Variants in B3GLCT observed in about 807,000 individuals in gnomAD.
B3GLCT encodes the protein beta 3-glucosyltransferase, also known as beta-1,3-glucosyltransferase.
A neutral mutation model predicts 63.4 loss-of-function variants in B3GLCT; 65 were observed. The ratio of observed to expected loss-of-function variants is 1.03; its 90% CI spans 0.84 to 1.26. The LOEUF is 1.26. Ranked by LOEUF, B3GLCT falls within the 50% of genes most tolerant of loss-of-function variation. The pLI is 0.00. For synonymous variants in B3GLCT, 233 were observed against 219.2 expected, an observed-to-expected ratio of 1.06 and a Z score of -0.55; for missense variants, 577 against 604.8, an observed-to-expected ratio of 0.95 and a Z score of 0.48.
chr13:31,201,626 G>C (rs1171707522), intron 1 of B3GLCT, among the ~76,000 whole-genome samples: 1 of 152,198 alleles, frequency 6.6e-6, no homozygotes, highest in Non-Finnish European at 1.5e-5. Context: ...GTGGGTGGTA[G>C]CTGAAATTGG....
intron 6 of B3GLCT, among the ~76,000 whole-genome samples, chr13:31,248,391 G>A (rs1042116400): frequency 2.6e-5 from 4 of 152,212 alleles, no homozygotes; most frequent in Non-Finnish European, 5.9e-5. Context: ...AAAACAGACA[G>A]CGATTCTGAA....
chr13:31,235,105 G>A (rs1870582221), intron 4 of B3GLCT, among the ~76,000 whole-genome samples: 1 of 152,034 alleles, frequency 6.6e-6, no homozygotes, highest in East Asian at 1.9e-4. Flanking sequence ...GCGTAGGGGT[G>A]CTGCAGGGCC....
chr13:31,246,882 A>G, intron 4 of B3GLCT, 141 bp from the exon 5 acceptor site: 1 of 663,552 alleles, frequency 1.5e-6, no homozygotes, highest in Non-Finnish European at 2.6e-6. Context: ...GTACCATGTC[A>G]GGTCTCTAGA....
At position 31,331,574 on chromosome 13, in the gene B3GLCT, G is replaced by A. The variant is rs75292210; in HGVS notation, c.*1906G>A. 1 of 151,868 alleles carries A rather than the reference G, an allele frequency of 6.6e-6. No homozygotes were observed. Among genetic ancestry groups the A allele is most frequent in the East Asian group, 1.9e-4 (1 of 5,168 alleles). The allele number at this position is 151,868 out of a possible 1,614,324, so 9.4% of individuals were successfully genotyped here. A position where few individuals can be genotyped will look rare whatever the true frequency, so the allele number is the denominator to read the frequency against. ...CATTAGTCTAGACTGGGAATGGGGAGGGGAAATGGGGAAAATGAATGAATG... is the reference window on the plus strand; with the variant it reads ...CATTAGTCTAGACTGGGAATGGGGAAGGGAAATGGGGAAAATGAATGAATG... On this transcript the variant is annotated 3_prime_UTR_variant, in exon 15 of 15. Transcript: ENST00000343307.
intron 12 of B3GLCT, among the ~76,000 whole-genome samples, chr13:31,312,136 C>T (rs1327405831): frequency 6.6e-6 from 1 of 152,112 alleles, no homozygotes; most frequent in African/African-American, 2.4e-5. Context: ...TTAAGATGGC[C>T]GTTTGAGCTG....
chr13:31,210,537 G>A (rs939572378), intron 1 of B3GLCT, among the ~76,000 whole-genome samples: 3 of 152,304 alleles, frequency 2.0e-5, no homozygotes, highest in East Asian at 3.9e-4. Flanking sequence ...GTATGCACTC[G>A]TTAGCATTGT....
At chr13:31,238,294 T>A (rs1047268634) in intron 4 of B3GLCT, among the ~76,000 whole-genome samples, 10 of 152,242 alleles carry the variant, frequency 6.6e-5, no homozygotes, top group African/African-American at 2.2e-4. Flanking sequence ...AACTAACTTT[T>A]TATCTGACAT....
At chr13:31,257,841 G>A (rs1871817095) in intron 6 of B3GLCT, among the ~76,000 whole-genome samples, 1 of 152,132 alleles carries the variant, frequency 6.6e-6, no homozygotes, top group African/African-American at 2.4e-5. Flanking sequence ...TGGACTTGCT[G>A]CATTCATTTG....
intron 12 of B3GLCT, among the ~76,000 whole-genome samples, chr13:31,296,135 G>T (rs184667559): frequency 6.6e-6 from 1 of 152,122 alleles, no homozygotes; most frequent in East Asian, 1.9e-4. Flanking sequence ...CCCTCTGTGG[G>T]CTCCACCCAC....
chr13:31,308,648 C>G (rs1874537499), intron 12 of B3GLCT, among the ~76,000 whole-genome samples: 1 of 152,292 alleles, frequency 6.6e-6, no homozygotes, highest in Middle Eastern at 3.4e-3. Context: ...ACCAAAGATA[C>G]TGCCCCTAAA....
At position 31,330,266 on chromosome 13, in the gene B3GLCT, G is replaced by C. The variant is rs1875849737; in HGVS notation, c.*598G>C. On this transcript the variant is annotated 3_prime_UTR_variant, in exon 15 of 15. Coordinates refer to ENST00000343307, the MANE Select transcript of B3GLCT (RefSeq NM_194318.4). ...ATCCCCTGAAGTCTGTAATCATGGTGGTTATGTTTTGTCTATTCTTTTGCT... is the reference window on the plus strand; with the variant it reads ...ATCCCCTGAAGTCTGTAATCATGGTCGTTATGTTTTGTCTATTCTTTTGCT... 1 of 152,418 alleles carries C rather than the reference G, an allele frequency of 6.6e-6. No homozygotes were observed. The highest frequency in any genetic ancestry group is 1.5e-5 in the Non-Finnish European group (1 of 68,258). 9.4% of individuals were successfully genotyped at this position (152,418 alleles called of 1,614,324 possible).
chr13:31,297,907 GAA>G (rs1394567615), intron 12 of B3GLCT, among the ~76,000 whole-genome samples: 1 of 152,130 alleles, frequency 6.6e-6, no homozygotes, highest in East Asian at 1.9e-4. Context: ...AGGTATGAGA[GAA>G]GGGGTGTGGA....
At chr13:31,239,243 A>C (rs1221628869) in intron 4 of B3GLCT, among the ~76,000 whole-genome samples, 1 of 151,950 alleles carries the variant, frequency 6.6e-6, no homozygotes, top group Non-Finnish European at 1.5e-5. Flanking sequence ...CGGCTTCCTA[A>C]ATGCAGATCT....
rs114556636 is a variant in B3GLCT, at chr13:31,234,914, G to A, written c.270+5620G>A. ...GTTTGTGTTTTAAAACCATCCCCTG[G>A]TGGCCTTAGGGAGAATGGCATTAAG... On this transcript the variant is annotated intron_variant, in intron 4 of 14. Coordinates refer to ENST00000343307, the MANE Select transcript of B3GLCT (RefSeq NM_194318.4). 7.9e-3 allele frequency among the ~76,000 whole-genome samples: 1,208 copies of A among 152,230 alleles called. 20 individuals carry two copies. The highest frequency in any genetic ancestry group is 0.028 in the African/African-American group (1,158 of 41,524).
chr13:31,290,927 T>C (rs1320340994), intron 12 of B3GLCT, among the ~76,000 whole-genome samples: 2 of 152,232 alleles, frequency 1.3e-5, no homozygotes, highest in Non-Finnish European at 2.9e-5. Flanking sequence ...AGTCACGAAG[T>C]CTTTGCCCAT....
rs187062735 is a variant in B3GLCT, at chr13:31,295,090, G to A, written c.1064+8271G>A. ...AGGCCTCTCTACTGTAGGTCTGCTC[G>A]AGTTTGCTGGACGTTCACTCCAGAC... On this transcript the variant is annotated intron_variant, in intron 12 of 14. Coordinates refer to ENST00000343307, the MANE Select transcript of B3GLCT (RefSeq NM_194318.4). 1.1e-3 allele frequency among the ~76,000 whole-genome samples: 162 copies of A among 152,028 alleles called. 2 individuals carry two copies. In the East Asian group the frequency reaches 0.011, roughly 10 times the overall value.
intron 4 of B3GLCT, among the ~76,000 whole-genome samples, chr13:31,239,194 AG>A (rs1313571384): frequency 2.0e-5 from 3 of 152,168 alleles, no homozygotes; most frequent in African/African-American, 7.2e-5. Flanking sequence ...AGTGAATGGA[AG>A]GGAGGGTCGG....
chr13:31,317,809 T>C lies in B3GLCT; in HGVS notation c.1184+124T>C, dbSNP rs533268679. Reference sequence around the variant, plus strand: ...GTACTCTGTGAATGGTGGTTGTTACTATAATAGGAAAGTGAACATTATATT... The same window carrying C: ...GTACTCTGTGAATGGTGGTTGTTACCATAATAGGAAAGTGAACATTATATT... On this transcript the variant is annotated intron_variant, in intron 13 of 14. Transcript: ENST00000343307. The C allele has an allele frequency of 1.4e-3, 1,643 of 1,175,692 alleles. 5 individuals carry two copies. Among genetic ancestry groups the C allele is most frequent in the Non-Finnish European group, 1.9e-3 (1,569 of 807,518 alleles). 72.8% of individuals were successfully genotyped at this position (1,175,692 alleles called of 1,614,324 possible).
At chr13:31,230,342 G>A (rs1172797100) in intron 4 of B3GLCT, among the ~76,000 whole-genome samples, 1 of 152,156 alleles carries the variant, frequency 6.6e-6, no homozygotes, top group Non-Finnish European at 1.5e-5. Flanking sequence ...CAAGACCGAA[G>A]TGCTTGCCTG....
Sources: gnomAD v4.1 joint callset for allele counts (sites outside exome capture counted in the v4.1 genomes callset) on GRCh38, gnomAD v4.1.1 for gene constraint, MANE v1.5 for transcripts, NCBI Gene and HGNC (gene_info 2026-07-23, HGNC 2026-07-21) for gene names.